The following NFIA variants were observed in gnomAD, a reference collection of about 807,000 sequenced individuals.
NFIA encodes nuclear factor 1 A-type.
NFIA carries 8 observed loss-of-function variants against 62.8 expected under a neutral mutation model. The observed-to-expected ratio is 0.13, with a 90% CI of 0.07 to 0.23. The LOEUF (loss-of-function observed/expected upper bound fraction) is 0.23, where lower values mean the gene tolerates loss of function less well. Ranked by LOEUF, NFIA falls within the 10% of genes least tolerant of loss-of-function variation. The probability of loss-of-function intolerance (pLI) is 1.00; values close to 1 mark genes in which losing one functional copy is unlikely to be tolerated. For missense variants in NFIA, 410 were observed against 642.1 expected (o/e 0.64, Z 3.91); for synonymous variants, 235 against 238.1 (o/e 0.99, Z 0.12).
Position 61,154,545 on chromosome 1 carries a change from G to C in NFIA, c.559+65865G>C, listed in dbSNP as rs146399632. Among the ~76,000 whole-genome samples, 1,780 of 152,230 alleles carry C rather than the reference G, an allele frequency of 0.012. 68 individuals are homozygous for C. The East Asian group carries it at 0.15, about 13-fold the overall frequency. Reference sequence around the variant, plus strand: ...GGCTCACTGCAGCCCTCGCCTTCTGGGCTCAAGTGATCCTCCCACCTCAGC... The same window carrying C: ...GGCTCACTGCAGCCCTCGCCTTCTGCGCTCAAGTGATCCTCCCACCTCAGC... On this transcript the variant is annotated intron_variant, in intron 2 of 10. Transcript: ENST00000403491.
intron 2 of NFIA, among the ~76,000 whole-genome samples, chr1:61,197,199 T>G (rs79119433): frequency 0.019 from 2,879 of 151,156 alleles, 91 homozygotes; most frequent in African/African-American, 0.053. Flanking sequence ...AGTTGTAGAG[T>G]GTGCAGTTTG....
At chr1:61,426,757 G>A (rs1253121715) in intron 10 of NFIA, among the ~76,000 whole-genome samples, 1 of 152,148 alleles carries the variant, frequency 6.6e-6, no homozygotes, top group Admixed American at 6.5e-5. Context: ...CTTGTATTGA[G>A]TGGGTAGAAG....
At chr1:61,248,571 C>T (rs1011377645) in intron 2 of NFIA, among the ~76,000 whole-genome samples, 1 of 152,106 alleles carries the variant, frequency 6.6e-6, no homozygotes, top group Non-Finnish European at 1.5e-5. Flanking sequence ...TTAAGTTGCA[C>T]CGGAGAGCTC....
chr1:61,277,719 T>C, intron 3 of NFIA, 134 bp downstream of exon 3: 1 of 789,884 alleles, frequency 1.3e-6, no homozygotes, highest in Non-Finnish European at 2.0e-6. Flanking sequence ...TCGGAAAAAC[T>C]CAAGTAGATT....
chr1:61,167,211 G>T (rs1254182708), intron 2 of NFIA, among the ~76,000 whole-genome samples: 1 of 152,108 alleles, frequency 6.6e-6, no homozygotes, highest in African/African-American at 2.4e-5. Flanking sequence ...AAATAACCCT[G>T]TAAAAACCTC....
At chr1:61,431,007 C>T (rs982628674) in intron 10 of NFIA, among the ~76,000 whole-genome samples, 4 of 152,052 alleles carry the variant, frequency 2.6e-5, no homozygotes, top group Non-Finnish European at 5.9e-5. Context: ...AACGTTGTCC[C>T]GTGACAGCTG....
intron 6 of NFIA, among the ~76,000 whole-genome samples, chr1:61,374,827 A>G (rs947500913): frequency 1.3e-5 from 2 of 152,256 alleles, no homozygotes; most frequent in Non-Finnish European, 2.9e-5. Context: ...TATGCTCTCT[A>G]TCATAAAAAT....
At chr1:61,292,445 A>G (rs888638638) in intron 3 of NFIA, among the ~76,000 whole-genome samples, 1 of 152,208 alleles carries the variant, frequency 6.6e-6, no homozygotes, top group Non-Finnish European at 1.5e-5. Context: ...TTAATTGTAC[A>G]TATATTTATT....
At chr1:61,388,670 CA>C (rs1355612711) in intron 7 of NFIA, among the ~76,000 whole-genome samples, 6 of 152,196 alleles carry the variant, frequency 3.9e-5, no homozygotes, top group African/African-American at 1.4e-4. Context: ...TTGGGCAGCA[CA>C]ATTGAAAGTA....
At chr1:61,100,750 C>A (rs1646493574) in intron 2 of NFIA, among the ~76,000 whole-genome samples, 2 of 151,850 alleles carry the variant, frequency 1.3e-5, no homozygotes, top group African/African-American at 4.8e-5. Flanking sequence ...ATCCCAACAC[C>A]CTGGGCTAAC....
At chr1:61,203,620 T>C (rs1254519224) in intron 2 of NFIA, among the ~76,000 whole-genome samples, 1 of 152,110 alleles carries the variant, frequency 6.6e-6, no homozygotes, top group Non-Finnish European at 1.5e-5. Flanking sequence ...TCCTCTCCCT[T>C]CTACCCATTG....
At chr1:61,383,558 A>G (rs1291977425) in intron 7 of NFIA, among the ~76,000 whole-genome samples, 193 bp downstream of exon 7, 1 of 152,234 alleles carries the variant, frequency 6.6e-6, no homozygotes. Flanking sequence ...GTCCTTTCCT[A>G]AGGCAAAAAG....
At chr1:61,199,703 A>G (rs1369099537) in intron 2 of NFIA, among the ~76,000 whole-genome samples, 1 of 151,932 alleles carries the variant, frequency 6.6e-6, no homozygotes, top group African/African-American at 2.4e-5. Flanking sequence ...GTATTAAAAA[A>G]AGGTTGAATG....
At chr1:61,321,150 T>C (rs749625254) in intron 3 of NFIA, among the ~76,000 whole-genome samples, 16 of 151,876 alleles carry the variant, frequency 1.1e-4, no homozygotes, top group Non-Finnish European at 1.9e-4. Flanking sequence ...TATAAAATAC[T>C]GATACTATGC....
intron 1 of NFIA, among the ~76,000 whole-genome samples, chr1:61,084,577 T>C (rs2100407773): frequency 6.6e-6 from 1 of 152,302 alleles, no homozygotes; most frequent in Middle Eastern, 3.4e-3. Flanking sequence ...TTACGGACTA[T>C]AGTGAAAATG....
At chr1:61,359,002 C>A in intron 5 of NFIA, 145 bp from the exon 6 acceptor site, 1 of 1,143,996 alleles carries the variant, frequency 8.7e-7, no homozygotes, top group Non-Finnish European at 1.2e-6. Context: ...ACTCACCAGA[C>A]TGAACAGAAG....
At chr1:61,160,208 T>G (rs551701589) in intron 2 of NFIA, among the ~76,000 whole-genome samples, 1 of 152,236 alleles carries the variant, frequency 6.6e-6, no homozygotes, top group South Asian at 2.1e-4. Context: ...TGCGTCATCT[T>G]TAAAATAAGG....
At chr1:61,304,147 G>A (rs1324330422) in intron 3 of NFIA, among the ~76,000 whole-genome samples, 1 of 152,190 alleles carries the variant, frequency 6.6e-6, no homozygotes, top group East Asian at 1.9e-4. Context: ...ATGGTGGCAC[G>A]TGCCTGTAAT....
intron 2 of NFIA, among the ~76,000 whole-genome samples, chr1:61,191,544 C>G (rs1651623907): frequency 6.6e-6 from 1 of 152,122 alleles, no homozygotes; most frequent in Admixed American, 6.5e-5. Context: ...TTCAATTAGG[C>G]AGGAGATAGT....
Sources: allele counts gnomAD v4.1 joint callset (sites outside exome capture counted in the v4.1 genomes callset), GRCh38; gene constraint gnomAD v4.1.1; transcripts MANE v1.5; gene names NCBI Gene and HGNC (gene_info 2026-07-23, HGNC 2026-07-21).